RAPGEF3: variants seen among roughly 807,000 people sequenced by gnomAD.
RAPGEF3 encodes Rap guanine nucleotide exchange factor 3.
Under a neutral mutation model 129.8 loss-of-function variants are expected in RAPGEF3, and 103 were observed. The observed-to-expected ratio is 0.79, with a 90% confidence interval of 0.68 to 0.93. RAPGEF3 has a LOEUF of 0.93. Ranked by LOEUF, RAPGEF3 falls within the 40% of genes least tolerant of loss-of-function variation. The pLI, the probability that RAPGEF3 is intolerant of heterozygous loss-of-function variation, is 0.00. For synonymous variants in RAPGEF3, 436 were observed against 482.6 expected (o/e 0.90, Z 1.26); for missense variants, 1,117 against 1,207.4 (o/e 0.93, Z 1.11).
Position 47,749,911 on chromosome 12 carries a change from T to TA in RAPGEF3, c.817+18dup, listed in dbSNP as rs750094225. 6.2e-7 allele frequency: 1 copy of TA among 1,614,236 alleles called. No individual in the cohort carries two copies. The highest frequency in any genetic ancestry group is 1.1e-5 in the South Asian group (1 of 91,082). ...TGTCCAGGCCCTGTGCCTGGCTTCT[T>TA]ATGCCCTGCTGGACTTACACACGGT... is the stretch of plus-strand genomic sequence containing the variant. On this transcript the variant is annotated intron_variant, in intron 8 of 27. Transcript: ENST00000449771. The surrounding 1 kb of genome is among the most constrained non-coding windows in gnomAD (Gnocchi z 4.5).
At chr12:47,752,016 C>T in intron 2 of RAPGEF3, 47 bp from the exon 3 acceptor site, 1 of 1,597,084 alleles carries the variant, frequency 6.3e-7, no homozygotes, top group Non-Finnish European at 8.6e-7. Flanking sequence ...GGTCTTCAAG[C>T]CCAGCTCTTG....
chr12:47,744,329 T>C (rs1941316462), intron 16 of RAPGEF3: 1 of 506,626 alleles, frequency 2.0e-6, no homozygotes, highest in African/African-American at 2.0e-5. Flanking sequence ...GCCAGATAGG[T>C]CCAGAGCAGT....
rs1346766573 is a variant in RAPGEF3 at position 47,747,439 on chromosome 12, G to A, written c.1556+105C>T. ...AGAACAAGGAATTGAAGTAAGTGGT[G>A]CAGCCTGGATCTGAAGCCAAGTGCT... is the stretch of plus-strand genomic sequence containing the variant. On this transcript the variant is annotated intron_variant, in intron 15 of 27. Coordinates refer to ENST00000449771, the MANE Select transcript of RAPGEF3 (RefSeq NM_001098531.4). 4 of 1,144,330 alleles carry A rather than the reference G, an allele frequency of 3.5e-6. No homozygotes were observed. In the African/African-American group the frequency reaches 6.1e-5, roughly 17 times the overall value. The allele number at this position is 1,144,330 out of a possible 1,614,324, so 70.9% of individuals were successfully genotyped here. A position where few individuals can be genotyped will look rare whatever the true frequency, so the allele number is the denominator to read the frequency against.
At chr12:47,754,263 G>A (rs578004792) in intron 2 of RAPGEF3, among the ~76,000 whole-genome samples, 1 of 152,364 alleles carries the variant, frequency 6.6e-6, no homozygotes, top group African/African-American at 2.4e-5. Flanking sequence ...TTGTGCTATA[G>A]GCACAGACAG....
intron 23 of RAPGEF3, chr12:47,739,604 C>A: frequency 2.3e-6 from 1 of 442,492 alleles, no homozygotes; most frequent in Non-Finnish European, 4.2e-6. Context: ...AGCTCCCAGG[C>A]TATGCTGATG....
intron 18 of RAPGEF3, 87 bp downstream of exon 18, chr12:47,743,443 A>G (rs957441285): frequency 6.8e-7 from 1 of 1,480,152 alleles, no homozygotes; most frequent in Non-Finnish European, 9.2e-7. Flanking sequence ...GAAAGATGAC[A>G]ATGATGACAA....
In RAPGEF3 at chr12:47,749,711, G is replaced by T. The variant is rs1283733554; in HGVS notation, c.894+30C>A. 6.2e-7 allele frequency: 1 copy of T among 1,612,578 alleles called. No homozygotes were observed. Among genetic ancestry groups the T allele is most frequent in the Non-Finnish European group, 8.5e-7 (1 of 1,178,814 alleles). ...GACCAGGGAGCAGTTAGGACCCAGGGCACTGGGGTGGGGAGGAGGGAGGGC... is the reference window on the plus strand; with the variant it reads ...GACCAGGGAGCAGTTAGGACCCAGGTCACTGGGGTGGGGAGGAGGGAGGGC... On this transcript the variant is annotated intron_variant, in intron 9 of 27. Transcript: ENST00000449771. This position sits in a 1 kb window ranked among gnomAD's most constrained non-coding sequence, Gnocchi z 4.5.
At chr12:47,746,374 C>T in intron 16 of RAPGEF3, 1 of 455,292 alleles carries the variant, frequency 2.2e-6, no homozygotes, top group Non-Finnish European at 3.9e-6. Context: ...CTTTCTCCCA[C>T]CATTCCTCAA....
rs1592588939 is a variant in RAPGEF3 at position 47,758,535 on chromosome 12, A to C, written c.6+16T>G. 1 of 1,612,988 alleles carries C rather than the reference A, an allele frequency of 6.2e-7. No homozygotes were observed. Among genetic ancestry groups the C allele is most frequent in the Non-Finnish European group, 8.5e-7 (1 of 1,179,506 alleles). ...CCTCTCCTGCTCCTCCTCAACCCTG[A>C]CCCCACCTTACCCACCTTCATGTTT... On this transcript the variant is annotated intron_variant, in intron 1 of 27. Coordinates refer to ENST00000449771, the MANE Select transcript of RAPGEF3 (RefSeq NM_001098531.4).
chr12:47,747,650 A>C (rs1314706826), intron 14 of RAPGEF3, 24 bp from the exon 15 acceptor site: 2 of 1,613,382 alleles, frequency 1.2e-6, no homozygotes. Context: ...AGATTCACTG[A>C]GATGGCTGTA....
In RAPGEF3 at chr12:47,738,685, C is replaced by T. The variant is rs1940948875; in HGVS notation, c.2526+5G>A. ...GTAGTGAATGCCTGCTCTCCCTGGACTCACCATCTTCTCAAAGTTGATGAG... is the reference window on the plus strand; with the variant it reads ...GTAGTGAATGCCTGCTCTCCCTGGATTCACCATCTTCTCAAAGTTGATGAG... On this transcript the variant is annotated splice_donor_5th_base_variant and intron_variant, in intron 25 of 27. Coordinates refer to ENST00000449771, the MANE Select transcript of RAPGEF3 (RefSeq NM_001098531.4). 9 of 1,595,622 alleles carry T rather than the reference C, an allele frequency of 5.6e-6. No individual in the cohort carries two copies. In the South Asian group the frequency reaches 7.7e-5, roughly 14 times the overall value.
intron 2 of RAPGEF3, among the ~76,000 whole-genome samples, chr12:47,753,019 T>A (rs533565314): frequency 6.6e-5 from 10 of 152,284 alleles, no homozygotes; most frequent in African/African-American, 2.4e-4. Context: ...TTTGTGGACA[T>A]CTCTGGACAG....
rs1400595204 is a variant in RAPGEF3, at chr12:47,735,506, GC to G, written c.*2060del. 1 of 152,248 alleles carries G rather than the reference GC, an allele frequency of 6.6e-6. No homozygotes were observed. The highest frequency in any genetic ancestry group is 1.5e-5 in the Non-Finnish European group (1 of 68,110). 9.4% of individuals were successfully genotyped at this position (152,248 alleles called of 1,614,324 possible). The stretch of plus-strand genomic sequence containing the variant: ...TAGCTCCCAGAGTCTGTGTCCTCTT[GC>G]CTGCCCTGGGCACCATTCTCCTGGC... On this transcript the variant is annotated 3_prime_UTR_variant, in exon 28 of 28. Coordinates refer to ENST00000449771, the MANE Select transcript of RAPGEF3 (RefSeq NM_001098531.4).
chr12:47,741,859 A>G, intron 18 of RAPGEF3: 1 of 525,326 alleles, frequency 1.9e-6, no homozygotes, highest in Non-Finnish European at 3.4e-6. Flanking sequence ...AGCCTCCCTC[A>G]GCCTCACTTT....
chr12:47,748,814 A>G lies in RAPGEF3; in HGVS notation c.1154+5T>C. The G allele has an allele frequency of 1.3e-6, 2 of 1,577,046 alleles. No homozygotes were observed. Among genetic ancestry groups the G allele is most frequent in the Non-Finnish European group, 1.7e-6 (2 of 1,146,226 alleles). On this transcript the variant is annotated splice_donor_5th_base_variant and intron_variant, in intron 11 of 27. Coordinates refer to ENST00000449771, the MANE Select transcript of RAPGEF3 (RefSeq NM_001098531.4). ...TGTGGAGAGGGAGCATGGCAGGTGT[A>G]TTACCGGTTCCTGCCTGGGGTTGGG...
In RAPGEF3 at chr12:47,746,859, C is replaced by T; in HGVS notation, c.1596+1G>A. On this transcript the variant is annotated splice_donor_variant, in intron 16 of 27. Transcript: ENST00000449771. LOFTEE classifies it high-confidence loss of function. The stretch of plus-strand genomic sequence containing the variant: ...GAAAGAAACTGGGGCCAGGCAGACA[C>T]CTTCATCTGAGGAGATGCATTCCCA... 6.3e-7 allele frequency: 1 copy of T among 1,593,874 alleles called. No individual in the cohort carries two copies. Among genetic ancestry groups the T allele is most frequent in the Non-Finnish European group, 8.5e-7 (1 of 1,173,846 alleles).
chr12:47,738,586 A>C (rs1940942198), intron 25 of RAPGEF3, 104 bp downstream of exon 25: 1 of 1,010,494 alleles, frequency 9.9e-7, no homozygotes, highest in Non-Finnish European at 1.6e-6. Context: ...TCCTCATATT[A>C]TTCATAACAA....
rs1320099881 is a variant in RAPGEF3 at position 47,739,203 on chromosome 12, G to A, written c.2401C>T (p.Arg801Ter). 3 of 1,611,756 alleles carry A rather than the reference G, an allele frequency of 1.9e-6. No homozygotes were observed. Among genetic ancestry groups the A allele is most frequent in the East Asian group, 2.2e-5 (1 of 44,866 alleles). ...LDPSWNHRVY[R>*]LALAKLSPPV... ...GGGGAGAGCTTGGCGAGGGCCAGTCGGTATACCCGGTGGTTCCATGAGGGA... is the reference window on the plus strand; with the variant it reads ...GGGGAGAGCTTGGCGAGGGCCAGTCAGTATACCCGGTGGTTCCATGAGGGA... Residue 801 changes from arginine to a stop codon, truncating the protein, a stop_gained, in exon 24 of 28, where the codon CGA (arginine) becomes TGA (stop). Transcript: ENST00000449771. LOFTEE classifies it high-confidence loss of function.
At position 47,737,893 on chromosome 12, in the gene RAPGEF3, A is replaced by G. The variant is rs535720433; in HGVS notation, c.2653+129T>C. 1,814 of 1,281,938 alleles carry G rather than the reference A, an allele frequency of 1.4e-3. 4 individuals carry two copies. The highest frequency in any genetic ancestry group is 1.7e-3 in the Non-Finnish European group (1,568 of 903,920). 79.4% of individuals were successfully genotyped at this position (1,281,938 alleles called of 1,614,324 possible). A position where few individuals can be genotyped will look rare whatever the true frequency, so the allele number is the denominator to read the frequency against. On this transcript the variant is annotated intron_variant, in intron 27 of 27. Transcript: ENST00000449771. Reference sequence around the variant, plus strand: ...CTGGCTCAGAGCACAGAGGCTGAACATTATCAACATCATGTATGGAAGGGC... The same window carrying G: ...CTGGCTCAGAGCACAGAGGCTGAACGTTATCAACATCATGTATGGAAGGGC...
Sources: gnomAD v4.1 joint callset for allele counts (sites outside exome capture counted in the v4.1 genomes callset) on GRCh38, gnomAD v4.1.1 for gene constraint, Gnocchi (gnomAD v3.1) non-coding constraint, MANE v1.5 for transcripts, NCBI Gene and HGNC (gene_info 2026-07-23, HGNC 2026-07-21) for gene names.